ASTN2: variants seen among roughly 807,000 people sequenced by gnomAD.
ASTN2 encodes astrotactin 2.
A neutral mutation model predicts 139.8 loss-of-function variants in ASTN2; 54 were observed. That is an observed-to-expected ratio of 0.39 (90% CI 0.31 to 0.48). The LOEUF is 0.48. Ranked by LOEUF, ASTN2 falls within the 20% of genes least tolerant of loss-of-function variation. The probability of loss-of-function intolerance (pLI) is 0.95; values close to 1 mark genes in which losing one functional copy is unlikely to be tolerated. For missense variants in ASTN2, 1,565 were observed against 1,725.1 expected (o/e 0.91, Z 1.64); for synonymous variants, 756 against 719.5 (o/e 1.05, Z -0.81).
chr9:117,022,721 C>T (rs115205686), intron 6 of ASTN2, among the ~76,000 whole-genome samples: 2,840 of 152,186 alleles, frequency 0.019, 107 homozygotes, highest in African/African-American at 0.066. Context: ...AATGGATTCT[C>T]CTCAAATAAT....
intron 19 of ASTN2, among the ~76,000 whole-genome samples, chr9:116,532,325 G>T (rs934023838): frequency 2.0e-5 from 3 of 152,192 alleles, no homozygotes; most frequent in Non-Finnish European, 4.4e-5. Context: ...TGTTCACTCT[G>T]ATGGTATTTC....
chr9:116,546,235 T>A (rs1390392238), intron 19 of ASTN2: 1 of 152,190 alleles, frequency 6.6e-6, no homozygotes, highest in African/African-American at 2.4e-5. Context: ...GAAAATCCAA[T>A]ATACCAGTTT....
chr9:116,889,698 C>T (rs997967078), intron 10 of ASTN2, among the ~76,000 whole-genome samples: 1 of 150,132 alleles, frequency 6.7e-6, no homozygotes. Flanking sequence ...CCAGCCTGGG[C>T]AACATAGCAA....
chr9:117,239,833 C>T (rs1833154283), intron 2 of ASTN2, among the ~76,000 whole-genome samples: 2 of 152,180 alleles, frequency 1.3e-5, no homozygotes, highest in African/African-American at 4.8e-5. Flanking sequence ...ATAGGTGGTC[C>T]TTTCTCTAAA....
intron 10 of ASTN2, among the ~76,000 whole-genome samples, chr9:116,928,079 C>T (rs1564344729): frequency 1.3e-5 from 2 of 152,176 alleles, no homozygotes; most frequent in Non-Finnish European, 1.5e-5. Context: ...CTGTTGCTAT[C>T]CCTGATCTCC....
chr9:116,911,033 A>T (rs1218118222), intron 10 of ASTN2, among the ~76,000 whole-genome samples: 1 of 152,188 alleles, frequency 6.6e-6, no homozygotes. Context: ...AGTCAGACCA[A>T]ATGATCCTAC....
intron 4 of ASTN2, among the ~76,000 whole-genome samples, chr9:117,108,190 G>T (rs1829154594): frequency 1.3e-5 from 2 of 152,130 alleles, no homozygotes; most frequent in South Asian, 4.1e-4. Context: ...GACGGGGTTG[G>T]TTGGGAAGTT....
chr9:117,062,009 C>T (rs1364167620), intron 5 of ASTN2, among the ~76,000 whole-genome samples: 1 of 152,180 alleles, frequency 6.6e-6, no homozygotes, highest in Non-Finnish European at 1.5e-5. Flanking sequence ...AACTGAGTTA[C>T]CTGCCCAAGG....
chr9:117,261,219 A>C (rs1450824527), intron 2 of ASTN2, among the ~76,000 whole-genome samples: 1 of 152,168 alleles, frequency 6.6e-6, no homozygotes, highest in Non-Finnish European at 1.5e-5. Flanking sequence ...ATTTTCACTC[A>C]GTTTTGGCAG....
At chr9:116,465,317 C>T (rs532336438) in intron 20 of ASTN2, among the ~76,000 whole-genome samples, 1 of 152,266 alleles carries the variant, frequency 6.6e-6, no homozygotes, top group Middle Eastern at 3.4e-3. Context: ...TTCTGGTCGA[C>T]TGGACACATC....
In ASTN2 at chr9:117,037,088, G is replaced by A. The variant is rs1838403693; in HGVS notation, c.1423+2731C>T. On this transcript the variant is annotated intron_variant, in intron 6 of 22. Coordinates refer to ENST00000313400, the MANE Select transcript of ASTN2 (RefSeq NM_001365068.1). ...TTCATCCACTGGACACATATTTGCTGAATATCCATTATGGACAAGGCACTG... is the reference window on the plus strand; with the variant it reads ...TTCATCCACTGGACACATATTTGCTAAATATCCATTATGGACAAGGCACTG... Among the ~76,000 whole-genome samples, 3 of 151,984 alleles carry A rather than the reference G, an allele frequency of 2.0e-5. No homozygotes were observed. In the South Asian group the frequency reaches 6.2e-4, roughly 32 times the overall value.
intron 20 of ASTN2, among the ~76,000 whole-genome samples, chr9:116,443,542 T>C (rs1390269429): frequency 6.6e-6 from 1 of 152,008 alleles, no homozygotes; most frequent in Admixed American, 6.6e-5. Context: ...TCAAGTCTAA[T>C]CCAGAGCACA....
chr9:116,835,707 G>C (rs1169631985), intron 11 of ASTN2, among the ~76,000 whole-genome samples: 1 of 152,172 alleles, frequency 6.6e-6, no homozygotes, highest in Non-Finnish European at 1.5e-5. Context: ...TGAGGGCTGT[G>C]TCACAGGCCG....
chr9:116,756,360 T>C (rs1029675242), intron 13 of ASTN2, among the ~76,000 whole-genome samples: 3 of 151,552 alleles, frequency 2.0e-5, no homozygotes, highest in Non-Finnish European at 2.9e-5. Flanking sequence ...AATCAGTAAA[T>C]GTGGATCAAA....
At chr9:116,686,661 C>G (rs1470958855) in intron 16 of ASTN2, 3 of 1,544,156 alleles carry the variant, frequency 1.9e-6, no homozygotes, top group East Asian at 2.4e-5. Context: ...CACCTTCACC[C>G]GAGCAAAACT....
At chr9:117,245,277 T>C (rs1392951542) in intron 2 of ASTN2, among the ~76,000 whole-genome samples, 1 of 152,194 alleles carries the variant, frequency 6.6e-6, no homozygotes, top group Non-Finnish European at 1.5e-5. Flanking sequence ...GGCTGATTAG[T>C]CGGAATATTT....
intron 2 of ASTN2, among the ~76,000 whole-genome samples, chr9:117,262,413 A>ATTAT (rs1554713364): frequency 8.5e-6 from 1 of 117,362 alleles, no homozygotes; most frequent in Non-Finnish European, 2.0e-5. Context: ...TTATTTATTT[A>ATTAT]TTTATTTTTT....
chr9:116,554,342 A>G (rs1370105739), intron 19 of ASTN2, among the ~76,000 whole-genome samples: 8 of 152,180 alleles, frequency 5.3e-5, no homozygotes, highest in Admixed American at 5.2e-4. Context: ...GACAGGGAGG[A>G]CCCACTTTGG....
At chr9:116,901,244 G>T (rs1307580832) in intron 10 of ASTN2, among the ~76,000 whole-genome samples, 2 of 152,178 alleles carry the variant, frequency 1.3e-5, no homozygotes, top group African/African-American at 2.4e-5. Context: ...ATTTTGGAAG[G>T]CTGGGTGCAG....
Sources: allele counts gnomAD v4.1 joint callset (sites outside exome capture counted in the v4.1 genomes callset), GRCh38; gene constraint gnomAD v4.1.1; transcripts MANE v1.5; gene names NCBI Gene and HGNC (gene_info 2026-07-23, HGNC 2026-07-21).